The following NCOA3 variants were observed in gnomAD, a reference collection of about 807,000 sequenced individuals.
NCOA3 encodes the protein nuclear receptor coactivator 3.
In NCOA3, 51 loss-of-function variants were observed where a neutral mutation model predicts 158.8. The ratio of observed to expected loss-of-function variants is 0.32; its 90% CI spans 0.26 to 0.41. The LOEUF (loss-of-function observed/expected upper bound fraction) is 0.41, where lower values mean the gene tolerates loss of function less well. Ranked by LOEUF, NCOA3 falls within the 10% of genes least tolerant of loss-of-function variation. The pLI is 1.00. For missense variants in NCOA3, 1,510 were observed against 1,746.6 expected, an observed-to-expected ratio of 0.86 and a Z score of 2.41; for synonymous variants, 537 against 592.4, an observed-to-expected ratio of 0.91 and a Z score of 1.36.
At chr20:47,512,139 A>AC (rs1478551348) in intron 1 of NCOA3, among the ~76,000 whole-genome samples, 51 of 151,838 alleles carry the variant, frequency 3.4e-4, no homozygotes, top group African/African-American at 1.2e-3. Flanking sequence ...ATATAGTGAG[A>AC]CCCCATCCTA....
intron 16 of NCOA3, among the ~76,000 whole-genome samples, chr20:47,640,718 A>G (rs1360176907): frequency 8.2e-6 from 1 of 122,138 alleles, no homozygotes; most frequent in Non-Finnish European, 1.8e-5. Context: ...TGTCTCTACT[A>G]AAAAAAAAAA....
chr20:47,653,600 C>T lies in NCOA3; in HGVS notation c.*183C>T. On this transcript the variant is annotated 3_prime_UTR_variant, in exon 23 of 23. Transcript: ENST00000371998. The stretch of plus-strand genomic sequence containing the variant: ...TGGATTTTAAGCCGAAGGGCAATAT[C>T]TACGTGTTTTTCCCCCCTCCTTCTG... 1.4e-6 allele frequency: 1 copy of T among 714,022 alleles called. No homozygotes were observed. Among genetic ancestry groups the T allele is most frequent in the Non-Finnish European group, 2.4e-6 (1 of 422,444 alleles). 44.2% of individuals were successfully genotyped at this position (714,022 alleles called of 1,614,324 possible). A position where few individuals can be genotyped will look rare whatever the true frequency, so the allele number is the denominator to read the frequency against.
At chr20:47,624,832 G>A (rs560223286) in intron 4 of NCOA3, among the ~76,000 whole-genome samples, 10 of 152,266 alleles carry the variant, frequency 6.6e-5, no homozygotes, top group Non-Finnish European at 1.3e-4. Flanking sequence ...GAGTGCAGTG[G>A]TGTGATCTCA....
At chr20:47,539,154 A>G (rs1287749951) in intron 1 of NCOA3, among the ~76,000 whole-genome samples, 3 of 152,222 alleles carry the variant, frequency 2.0e-5, no homozygotes, top group African/African-American at 7.2e-5. Context: ...TTCTTGTGCC[A>G]TAGAATTTGT....
chr20:47,630,041 C>T (rs2086387741), intron 8 of NCOA3, among the ~76,000 whole-genome samples: 1 of 152,168 alleles, frequency 6.6e-6, no homozygotes, highest in Non-Finnish European at 1.5e-5. Flanking sequence ...GATATTTTAT[C>T]TTCTGTCCCT....
At chr20:47,537,680 A>G (rs922819435) in intron 1 of NCOA3, among the ~76,000 whole-genome samples, 1 of 140,698 alleles carries the variant, frequency 7.1e-6, no homozygotes, top group Non-Finnish European at 1.6e-5. Context: ...CCCAGGTTCA[A>G]GTGATTCTCC....
chr20:47,531,184 C>CA (rs2084538800), intron 1 of NCOA3, among the ~76,000 whole-genome samples: 1 of 152,040 alleles, frequency 6.6e-6, no homozygotes, highest in African/African-American at 2.4e-5. Context: ...ACTAAAAATA[C>CA]AAAAATTAAC....
In NCOA3 at chr20:47,656,310, T is replaced by C. The variant is rs2086873378; in HGVS notation, c.*2893T>C. Reference sequence around the variant, plus strand: ...GCATCTGGATTGAAAGGTGTAAATATCAATAACAGTGCTACTTAGTTATCA... The same window carrying C: ...GCATCTGGATTGAAAGGTGTAAATACCAATAACAGTGCTACTTAGTTATCA... On this transcript the variant is annotated 3_prime_UTR_variant, in exon 23 of 23. Coordinates refer to ENST00000371998, the MANE Select transcript of NCOA3 (RefSeq NM_181659.3). The C allele has an allele frequency of 6.6e-6, 1 of 152,264 alleles. No homozygotes were observed. Among genetic ancestry groups the C allele is most frequent in the African/African-American group, 2.4e-5 (1 of 41,544 alleles). The allele number at this position is 152,264 out of a possible 1,614,324, so 9.4% of individuals were successfully genotyped here.
At chr20:47,546,654 C>G (rs2084834731) in intron 1 of NCOA3, among the ~76,000 whole-genome samples, 1 of 151,846 alleles carries the variant, frequency 6.6e-6, no homozygotes, top group Admixed American at 6.6e-5. Context: ...GCCTCAGCCT[C>G]TCGAGTTGCT....
intron 2 of NCOA3, among the ~76,000 whole-genome samples, chr20:47,601,301 G>A (rs1454463968): frequency 1.3e-5 from 2 of 152,174 alleles, no homozygotes; most frequent in Non-Finnish European, 2.9e-5. Context: ...CCATCTTAAC[G>A]ACTTACTTGC....
chr20:47,505,280 G>A (rs1331218455), intron 1 of NCOA3, among the ~76,000 whole-genome samples: 2 of 151,534 alleles, frequency 1.3e-5, no homozygotes, highest in Non-Finnish European at 2.9e-5. Context: ...GGCTGGTCTC[G>A]AACTCCCAAC....
At chr20:47,601,076 A>G (rs556688544) in intron 2 of NCOA3, among the ~76,000 whole-genome samples, 6 of 152,286 alleles carry the variant, frequency 3.9e-5, no homozygotes, top group African/African-American at 1.2e-4. Flanking sequence ...AGAAAGGTTT[A>G]TTTAGCACAT....
At chr20:47,642,018 G>T (rs773449714) in intron 16 of NCOA3, among the ~76,000 whole-genome samples, 195 bp from the exon 17 acceptor site, 4 of 152,084 alleles carry the variant, frequency 2.6e-5, no homozygotes, top group Non-Finnish European at 5.9e-5. Flanking sequence ...GTCTAAAGTG[G>T]CCTGGTGAAA....
chr20:47,634,257 T>G, intron 10 of NCOA3, 62 bp downstream of exon 10: 1 of 1,500,720 alleles, frequency 6.7e-7, no homozygotes. Context: ...AATGCTTTAT[T>G]ATTAAAGTAA....
chr20:47,522,532 C>T (rs546940672), intron 1 of NCOA3, among the ~76,000 whole-genome samples: 1 of 151,638 alleles, frequency 6.6e-6, no homozygotes, highest in South Asian at 2.1e-4. Flanking sequence ...AAGAGGAAGT[C>T]CCCACCTGCC....
intron 16 of NCOA3, among the ~76,000 whole-genome samples, chr20:47,641,085 A>G (rs1247332531): frequency 1.3e-5 from 2 of 152,092 alleles, no homozygotes; most frequent in African/African-American, 2.4e-5. Context: ...TCTACTCTAT[A>G]TGAATTTATT....
In NCOA3 at chr20:47,622,233, T is replaced by G; in HGVS notation, c.-15T>G. The G allele has an allele frequency of 6.5e-7, 1 of 1,533,376 alleles. No homozygotes were observed. The allele number at this position is 1,533,376 out of a possible 1,614,324, so 95.0% of individuals were successfully genotyped here. A position where few individuals can be genotyped will look rare whatever the true frequency, so the allele number is the denominator to read the frequency against. On this transcript the variant is annotated 5_prime_UTR_variant, in exon 3 of 23. Coordinates refer to ENST00000371998, the MANE Select transcript of NCOA3 (RefSeq NM_181659.3). The stretch of plus-strand genomic sequence containing the variant: ...TTTCTCATTATTCTCTCTTAGTTGC[T>G]GATGTATATTCAAGATGAGTGGATT...
At chr20:47,556,684 G>A (rs1264973259) in intron 1 of NCOA3, among the ~76,000 whole-genome samples, 3 of 151,950 alleles carry the variant, frequency 2.0e-5, no homozygotes, top group Non-Finnish European at 1.5e-5. Flanking sequence ...CACCATGCCT[G>A]ACTAATTTTT....
At chr20:47,551,265 G>A (rs184646148) in intron 1 of NCOA3, among the ~76,000 whole-genome samples, 95 of 152,236 alleles carry the variant, frequency 6.2e-4, no homozygotes, top group African/African-American at 2.3e-3. Flanking sequence ...ACTTGCAAAT[G>A]TTCTGGGGCC....
Sources: allele counts gnomAD v4.1 joint callset (sites outside exome capture counted in the v4.1 genomes callset), GRCh38; gene constraint gnomAD v4.1.1; transcripts MANE v1.5; gene names NCBI Gene and HGNC (gene_info 2026-07-23, HGNC 2026-07-21).